BRAF: variants seen among roughly 807,000 people sequenced by gnomAD.
The protein encoded by BRAF is serine/threonine-protein kinase B-raf.
BRAF carries 16 observed loss-of-function variants against 104.6 expected under a neutral mutation model. That is an observed-to-expected ratio of 0.15 (90% CI 0.10 to 0.23). BRAF has a LOEUF of 0.23. Ranked by LOEUF, BRAF falls within the 10% of genes least tolerant of loss-of-function variation. The pLI is 1.00. For synonymous variants in BRAF, 310 were observed against 341.6 expected, an observed-to-expected ratio of 0.91 and a Z score of 1.02; for missense variants, 541 against 937.3, an observed-to-expected ratio of 0.58 and a Z score of 5.52.
At chr7:140,881,163 G>C (rs1812859985) in intron 1 of BRAF, among the ~76,000 whole-genome samples, 1 of 152,118 alleles carries the variant, frequency 6.6e-6, no homozygotes, top group South Asian at 2.1e-4. Context: ...TGTCATCCAG[G>C]CTTCATTGTT....
rs762120223 is a variant in BRAF at position 140,924,541 on chromosome 7, G to C, written c.138+25C>G. On this transcript the variant is annotated intron_variant, in intron 1 of 19. Transcript: ENST00000644969. This position sits in a 1 kb window ranked among gnomAD's most constrained non-coding sequence, Gnocchi z 4.2. ...AGCCGCCGAGCCCGGAGTCGGGAGG[G>C]CGGCAGGGTGGCGCCAGCACTCACC... 1 of 1,533,710 alleles carries C rather than the reference G, an allele frequency of 6.5e-7. No individual in the cohort carries two copies. The highest frequency in any genetic ancestry group is 1.4e-5 in the African/African-American group (1 of 73,056).
intron 3 of BRAF, among the ~76,000 whole-genome samples, chr7:140,815,866 C>T (rs1276164481): frequency 6.6e-6 from 1 of 152,136 alleles, no homozygotes; most frequent in Non-Finnish European, 1.5e-5. Flanking sequence ...TAGAATTAAG[C>T]GTGCCTCCTG....
At chr7:140,753,201 A>C in intron 16 of BRAF, 74 bp downstream of exon 15, 2 of 1,063,314 alleles carry the variant, frequency 1.9e-6, no homozygotes, top group Non-Finnish European at 2.9e-6. Context: ...TGAGACCTTC[A>C]ATGACTTTCT....
At chr7:140,881,895 T>C (rs548167694) in intron 1 of BRAF, among the ~76,000 whole-genome samples, 22 of 152,300 alleles carry the variant, frequency 1.4e-4, no homozygotes, top group Non-Finnish European at 2.6e-4. Context: ...ATTATGGGTG[T>C]GGTTTGTGGC....
chr7:140,802,518 G>C (rs956119851), intron 5 of BRAF, among the ~76,000 whole-genome samples: 2 of 151,862 alleles, frequency 1.3e-5, no homozygotes, highest in Non-Finnish European at 2.9e-5. Flanking sequence ...GGCTGGTCTT[G>C]AACTCCTGAC....
rs955097186 is a variant in BRAF, at chr7:140,734,468, C to T, written c.2401+149G>A. The T allele has an allele frequency of 6.3e-6, 10 of 1,584,712 alleles. No homozygotes were observed. In the African/African-American group the frequency reaches 1.1e-4, roughly 17 times the overall value. Reference sequence around the variant, plus strand: ...GGGAAAAATTATATCTAGTCTTTAACCACACAAGTGTTCTTTGGTTCACCT... The same window carrying T: ...GGGAAAAATTATATCTAGTCTTTAATCACACAAGTGTTCTTTGGTTCACCT... On this transcript the variant is annotated intron_variant, in intron 19 of 19. Transcript: ENST00000644969.
chr7:140,903,842 C>A (rs887160347), intron 1 of BRAF, among the ~76,000 whole-genome samples: 1 of 152,174 alleles, frequency 6.6e-6, no homozygotes, highest in African/African-American at 2.4e-5. Context: ...GAGGAAGGAA[C>A]TGTAGGTGTA....
chr7:140,824,651 G>C (rs1436193420), intron 3 of BRAF, among the ~76,000 whole-genome samples: 1 of 146,990 alleles, frequency 6.8e-6, no homozygotes, highest in East Asian at 2.0e-4. Context: ...CTATTTCTGA[G>C]GAAAAAAAAA....
In BRAF at chr7:140,862,116, A is replaced by G. The variant is rs559965721; in HGVS notation, c.139-11904T>C. ...GTTTTTGTCAATTTAGTCCTTATTC[A>G]ATAAACAAGAATCACAAGACACTAT... is the stretch of plus-strand genomic sequence containing the variant. On this transcript the variant is annotated intron_variant, in intron 1 of 19. Transcript: ENST00000644969. Among the ~76,000 whole-genome samples the G allele has an allele frequency of 2.6e-5, 4 of 152,350 alleles. No individual in the cohort carries two copies. In the South Asian group the frequency reaches 6.2e-4, roughly 24 times the overall value.
chr7:140,881,642 A>T (rs1586525116), intron 1 of BRAF, among the ~76,000 whole-genome samples: 1 of 152,214 alleles, frequency 6.6e-6, no homozygotes, highest in Non-Finnish European at 1.5e-5. Flanking sequence ...TCTGGCACAA[A>T]AGGCATAGCT....
At chr7:140,847,614 T>G (rs1180020933) in intron 2 of BRAF, among the ~76,000 whole-genome samples, 3 of 152,062 alleles carry the variant, frequency 2.0e-5, no homozygotes, top group African/African-American at 7.2e-5. Flanking sequence ...CAATTGCTAT[T>G]CCCCAAGGCC....
chr7:140,850,107 T>G lies in BRAF; in HGVS notation c.240+4A>C, dbSNP rs1221315592. 1 of 1,590,948 alleles carries G rather than the reference T, an allele frequency of 6.3e-7. No individual in the cohort carries two copies. The highest frequency in any genetic ancestry group is 8.6e-7 in the Non-Finnish European group (1 of 1,161,174). ...ATTACTAGATATGATACTCAAAAGC[T>G]TACCTCCAGATATATTGATGGTGGA... On this transcript the variant is annotated splice_donor_region_variant and intron_variant, in intron 2 of 19. Transcript: ENST00000644969.
At chr7:140,905,144 C>A (rs1389794690) in intron 1 of BRAF, among the ~76,000 whole-genome samples, 2 of 152,180 alleles carry the variant, frequency 1.3e-5, no homozygotes, top group African/African-American at 4.8e-5. Flanking sequence ...GGGTTCTATA[C>A]ACCCACTGGG....
At chr7:140,756,091 T>C (rs918301416) in intron 14 of BRAF, among the ~76,000 whole-genome samples, 1 of 149,406 alleles carries the variant, frequency 6.7e-6, no homozygotes, top group African/African-American at 2.5e-5. Flanking sequence ...CTGGGGAGAG[T>C]GGGGAGAGAA....
At chr7:140,736,651 T>A (rs1047482097) in intron 18 of BRAF, among the ~76,000 whole-genome samples, 1 of 151,428 alleles carries the variant, frequency 6.6e-6, no homozygotes, top group Non-Finnish European at 1.5e-5. Context: ...GGTTTCGAAC[T>A]CCCAACCTCA....
rs1173222501 is a variant in BRAF, at chr7:140,723,995, G to A, written c.*2499C>T. 4.8e-6 allele frequency: 5 copies of A among 1,041,606 alleles called. No homozygotes were observed. The highest frequency in any genetic ancestry group is 5.8e-5 in the East Asian group (1 of 17,372). The allele number at this position is 1,041,606 out of a possible 1,614,324, so 64.5% of individuals were successfully genotyped here. A position where few individuals can be genotyped will look rare whatever the true frequency, so the allele number is the denominator to read the frequency against. On this transcript the variant is annotated 3_prime_UTR_variant, in exon 20 of 20. Coordinates refer to ENST00000644969, the MANE Select transcript of BRAF (RefSeq NM_001374258.1). ...TCATAGAAAAAGGAAGAAAAGAGAG[G>A]TTTAAATATTTTATTTTTTAAGGTA...
chr7:140,747,524 A>G (rs1797451786), intron 17 of BRAF: 1 of 582,120 alleles, frequency 1.7e-6, no homozygotes, highest in South Asian at 1.8e-5. Context: ...ACTTGTTTCT[A>G]TATTATAATT....
chr7:140,915,121 C>T (rs73165482), intron 1 of BRAF, among the ~76,000 whole-genome samples: 1 of 150,264 alleles, frequency 6.7e-6, no homozygotes, highest in African/African-American at 2.4e-5. Context: ...ACCAATAATC[C>T]CCTTTAATAT....
chr7:140,723,905 A>T lies in BRAF; in HGVS notation c.*2589T>A, dbSNP rs1230731257. On this transcript the variant is annotated 3_prime_UTR_variant, in exon 20 of 20. Transcript: ENST00000644969. ...AACTGTTGTCTAAGCATCAAAAAAT[A>T]AAGCAGATAAAACACAAATAAAACC... 9.6e-7 allele frequency: 1 copy of T among 1,044,776 alleles called. No homozygotes were observed. The highest frequency in any genetic ancestry group is 1.2e-6 in the Non-Finnish European group (1 of 866,396). 64.7% of individuals were successfully genotyped at this position (1,044,776 alleles called of 1,614,324 possible). A position where few individuals can be genotyped will look rare whatever the true frequency, so the allele number is the denominator to read the frequency against.
Sources: allele counts gnomAD v4.1 joint callset (sites outside exome capture counted in the v4.1 genomes callset), GRCh38; gene constraint gnomAD v4.1.1; non-coding constraint Gnocchi (gnomAD v3.1); transcripts MANE v1.5; gene names NCBI Gene and HGNC (gene_info 2026-07-23, HGNC 2026-07-21).